Variants in KCNH7 observed in about 807,000 individuals in gnomAD.
KCNH7 encodes the protein potassium voltage-gated channel subfamily H member 7.
Under a neutral mutation model 120.8 loss-of-function variants are expected in KCNH7, and 49 were observed. That is an observed-to-expected ratio of 0.41 (90% CI 0.32 to 0.51). KCNH7 has a LOEUF of 0.51. KCNH7 is among the 20% of genes least tolerant of loss of function. KCNH7 has a pLI of 0.38. For synonymous variants in KCNH7, 547 were observed against 516.1 expected (o/e 1.06, Z -0.81); for missense variants, 1,097 against 1,446.6 (o/e 0.76, Z 3.92).
chr2:162,429,312 C>T (rs1183251923), intron 8 of KCNH7, among the ~76,000 whole-genome samples: 8 of 146,184 alleles, frequency 5.5e-5, no homozygotes, highest in African/African-American at 1.8e-4. Context: ...AAAACCTGCA[C>T]ATTCATTGAC....
chr2:162,804,795 A>C (rs1367099665), intron 2 of KCNH7, among the ~76,000 whole-genome samples: 2 of 151,866 alleles, frequency 1.3e-5, no homozygotes, highest in Non-Finnish European at 2.9e-5. Flanking sequence ...AATAGCCAAA[A>C]TAATCCTAAG....
chr2:162,475,913 G>T (rs932703998), intron 6 of KCNH7, among the ~76,000 whole-genome samples: 2 of 152,184 alleles, frequency 1.3e-5, no homozygotes, highest in African/African-American at 4.8e-5. Context: ...GGCATTGCTG[G>T]TGCTTATCTG....
intron 6 of KCNH7, among the ~76,000 whole-genome samples, chr2:162,459,335 T>C (rs188479815): frequency 6.6e-6 from 1 of 152,198 alleles, no homozygotes; most frequent in Non-Finnish European, 1.5e-5. Flanking sequence ...AATAAAAGTA[T>C]AGGAAATTCA....
chr2:162,769,973 A>G (rs1682981492), intron 2 of KCNH7, among the ~76,000 whole-genome samples: 1 of 152,090 alleles, frequency 6.6e-6, no homozygotes, highest in Non-Finnish European at 1.5e-5. Flanking sequence ...ACAAAAGCAA[A>G]GTGATGCTCT....
chr2:162,500,900 T>A (rs147464073), intron 6 of KCNH7, among the ~76,000 whole-genome samples: 17 of 152,228 alleles, frequency 1.1e-4, no homozygotes, highest in Admixed American at 1.1e-3. Context: ...GGACAACTAA[T>A]GTTAAAAGTA....
chr2:162,597,670 T>C (rs1168556432), intron 2 of KCNH7, among the ~76,000 whole-genome samples: 1 of 152,022 alleles, frequency 6.6e-6, no homozygotes, highest in Non-Finnish European at 1.5e-5. Context: ...ACTGTGTATT[T>C]CAAAGTTGCT....
chr2:162,778,485 C>A (rs534102149), intron 2 of KCNH7, among the ~76,000 whole-genome samples: 25 of 152,142 alleles, frequency 1.6e-4, no homozygotes, highest in African/African-American at 5.8e-4. Context: ...AAATTCAAAT[C>A]CTTTATCTTC....
At chr2:162,436,402 T>C (rs1688240170) in intron 7 of KCNH7, among the ~76,000 whole-genome samples, 1 of 152,148 alleles carries the variant, frequency 6.6e-6, no homozygotes, top group Admixed American at 6.6e-5. Context: ...GATATTATAA[T>C]TGCATTTTGC....
At chr2:162,496,779 T>G (rs994414214) in intron 6 of KCNH7, among the ~76,000 whole-genome samples, 1 of 152,210 alleles carries the variant, frequency 6.6e-6, no homozygotes, top group African/African-American at 2.4e-5. Context: ...TTTAAAACCA[T>G]GAAATTATTA....
At chr2:162,449,555 G>A (rs555636615) in intron 6 of KCNH7, among the ~76,000 whole-genome samples, 23 of 152,046 alleles carry the variant, frequency 1.5e-4, no homozygotes, top group Middle Eastern at 3.4e-3. Flanking sequence ...CCAATAACTG[G>A]TATCCCTATA....
chr2:162,629,867 T>C (rs1014983270), intron 2 of KCNH7, among the ~76,000 whole-genome samples: 3 of 152,110 alleles, frequency 2.0e-5, no homozygotes, highest in African/African-American at 7.2e-5. Context: ...GAATTACTAA[T>C]AGTGACAGAT....
chr2:162,722,837 T>C (rs905316950), intron 2 of KCNH7, among the ~76,000 whole-genome samples: 1 of 142,534 alleles, frequency 7.0e-6, no homozygotes, highest in African/African-American at 2.7e-5. Flanking sequence ...TTTTTGCTTC[T>C]CTGAGTAATT....
At chr2:162,400,517 T>C in intron 9 of KCNH7, 76 bp from the exon 10 acceptor site, 8 of 1,467,438 alleles carry the variant, frequency 5.5e-6, no homozygotes, top group Non-Finnish European at 7.5e-6. Context: ...AATTTCTTGC[T>C]CACAGAACTG....
intron 2 of KCNH7, among the ~76,000 whole-genome samples, chr2:162,735,997 G>T (rs1448498427): frequency 6.6e-6 from 1 of 152,182 alleles, no homozygotes; most frequent in Admixed American, 6.5e-5. Flanking sequence ...ACTTGACCAT[G>T]AATGGAATGG....
rs151255147 is a variant in KCNH7 at position 162,395,036 on chromosome 2, A to C, written c.2614-551T>G. 3.2e-3 allele frequency among the ~76,000 whole-genome samples: 484 copies of C among 151,938 alleles called. 2 individuals are homozygous for C. The highest frequency in any genetic ancestry group is 0.011 in the African/African-American group (463 of 41,510). On this transcript the variant is annotated intron_variant, in intron 11 of 15. Transcript: ENST00000332142. ...GTAAATATATATCCTCATCCTTATG[A>C]TTTTTTAATAATATTTTCTTTTCTA...
chr2:162,658,358 A>C (rs187144455), intron 2 of KCNH7, among the ~76,000 whole-genome samples: 1 of 152,076 alleles, frequency 6.6e-6, no homozygotes, highest in Admixed American at 6.6e-5. Context: ...CTGTTTGTTT[A>C]TTCTTTTGTC....
At chr2:162,594,096 A>T (rs1319214245) in intron 2 of KCNH7, among the ~76,000 whole-genome samples, 1 of 151,956 alleles carries the variant, frequency 6.6e-6, no homozygotes, top group Non-Finnish European at 1.5e-5. Context: ...TTCAAATTAG[A>T]CCTTCCAAAT....
chr2:162,432,019 C>G (rs976949793), intron 8 of KCNH7, among the ~76,000 whole-genome samples: 1 of 151,928 alleles, frequency 6.6e-6, no homozygotes, highest in Non-Finnish European at 1.5e-5. Flanking sequence ...ACTGGCTAAA[C>G]TTAAGTGCAT....
intron 6 of KCNH7, among the ~76,000 whole-genome samples, chr2:162,456,775 T>C (rs1158932464): frequency 6.6e-6 from 1 of 152,172 alleles, no homozygotes; most frequent in Admixed American, 6.6e-5. Flanking sequence ...CTTTGTCTTT[T>C]CTGATCTTTG....
Sources: allele counts gnomAD v4.1 joint callset (sites outside exome capture counted in the v4.1 genomes callset), GRCh38; gene constraint gnomAD v4.1.1; transcripts MANE v1.5; gene names NCBI Gene and HGNC (gene_info 2026-07-23, HGNC 2026-07-21).